RDX: variants seen among roughly 807,000 people sequenced by gnomAD.
RDX encodes the protein radixin.
RDX carries 32 observed loss-of-function variants against 83.7 expected under a neutral mutation model. The ratio of observed to expected loss-of-function variants is 0.38; its 90% CI spans 0.29 to 0.51. RDX has a LOEUF of 0.51. Among genes scored for constraint, RDX ranks in the 20% least tolerant of loss-of-function variants. RDX has a pLI of 0.87. For missense variants in RDX, 600 were observed against 689.9 expected (o/e 0.87, Z 1.46); for synonymous variants, 229 against 222.7 (o/e 1.03, Z -0.25).
rs1261382733 is a variant in RDX, at chr11:110,231,655, C to T, written c.*214G>A. The T allele has an allele frequency of 3.4e-6, 2 of 591,762 alleles. No homozygotes were observed. The highest frequency in any genetic ancestry group is 1.9e-5 in the African/African-American group (1 of 53,748). The allele number at this position is 591,762 out of a possible 1,614,324, so 36.7% of individuals were successfully genotyped here. ...AAAAGAGGCAATGGAACACCATTCT[C>T]CATTCCCTGGACCAAAAGAAAAAAG... is the stretch of plus-strand genomic sequence containing the variant. On this transcript the variant is annotated 3_prime_UTR_variant, in exon 14 of 14. Transcript: ENST00000645495.
chr11:110,254,211 AT>A, intron 8 of RDX, 102 bp from the exon 9 acceptor site: 1 of 911,646 alleles, frequency 1.1e-6, no homozygotes, highest in Non-Finnish European at 1.7e-6. Context: ...TTAATGTCAT[AT>A]TACATATAGT....
intron 14 of RDX, among the ~76,000 whole-genome samples, chr11:110,214,259 A>G (rs1328254199): frequency 3.1e-4 from 44 of 144,080 alleles, no homozygotes; most frequent in African/African-American, 1.1e-3. Context: ...ATCACTGGCC[A>G]TCAGAGAAAT....
intron 6 of RDX, 81 bp from the exon 7 acceptor site, chr11:110,257,994 T>C (rs1359040680): frequency 2.0e-6 from 3 of 1,482,098 alleles, no homozygotes; most frequent in Admixed American, 3.4e-5. Flanking sequence ...AATTAAAAAT[T>C]AGTACTTTAC....
rs377756826 is a variant in RDX at position 110,175,726 on chromosome 11, C to A, written c.*32-492G>T. Among the ~76,000 whole-genome samples, 20 of 152,314 alleles carry A rather than the reference C, an allele frequency of 1.3e-4. No homozygotes were observed. The East Asian group carries it at 1.9e-3, about 15-fold the overall frequency. ...GTAATTATCATTCATTTGAATAATT[C>A]TTTCAAATATGCATGTGAAAAGATT... On this transcript the variant is annotated intron_variant, in intron 15 of 15. Transcript: ENST00000528498.
At chr11:110,234,719 G>A (rs188922364) in intron 12 of RDX, among the ~76,000 whole-genome samples, 62 of 152,030 alleles carry the variant, frequency 4.1e-4, no homozygotes, top group Middle Eastern at 3.4e-3. Flanking sequence ...AGAGTAACTG[G>A]GAAATTAACA....
At chr11:110,188,335 T>TAACAACAAC (rs1218946518) in intron 15 of RDX, among the ~76,000 whole-genome samples, 31 of 149,044 alleles carry the variant, frequency 2.1e-4, no homozygotes, top group African/African-American at 7.4e-4. Flanking sequence ...ATAATAATAA[T>TAACAACAAC]AACAATAATA....
rs543156315 is a variant in RDX at position 110,219,775 on chromosome 11, G to T, written c.1748+12098C>A. The stretch of plus-strand genomic sequence containing the variant: ...AAGATCTTGAGTTTAACATAAGTTT[G>T]AGATGCTTATTAGATATCAAACTGG... On this transcript the variant is annotated intron_variant, in intron 14 of 15. Transcript: ENST00000528498. Among the ~76,000 whole-genome samples, 31 of 152,326 alleles carry T rather than the reference G, an allele frequency of 2.0e-4. 1 individual carries two copies. The South Asian group carries it at 5.0e-3, about 24-fold the overall frequency.
At chr11:110,257,736 G>A (rs561697557) in intron 7 of RDX, 31 bp downstream of exon 7, 22 of 1,604,372 alleles carry the variant, frequency 1.4e-5, no homozygotes, top group East Asian at 8.9e-5. Context: ...ACTGAACAAT[G>A]ACTAGTTCAC....
At chr11:110,260,229 G>A (rs916710792) in intron 5 of RDX, among the ~76,000 whole-genome samples, 4 of 151,868 alleles carry the variant, frequency 2.6e-5, no homozygotes, top group South Asian at 2.1e-4. Context: ...CAGGTGATCC[G>A]CCCACCTCGG....
intron 14 of RDX, among the ~76,000 whole-genome samples, chr11:110,209,801 C>CA (rs1863763704): frequency 6.9e-6 from 1 of 145,956 alleles, no homozygotes. Flanking sequence ...GGAAAACTAA[C>CA]AAACAGAAAG....
At chr11:110,215,526 A>G (rs989611831) in intron 14 of RDX, among the ~76,000 whole-genome samples, 3 of 152,114 alleles carry the variant, frequency 2.0e-5, no homozygotes, top group Admixed American at 1.3e-4. Flanking sequence ...GACAGACTAG[A>G]GTTACAAGCC....
chr11:110,242,866 T>C (rs1226568600), intron 10 of RDX, among the ~76,000 whole-genome samples: 1 of 138,000 alleles, frequency 7.2e-6, no homozygotes, highest in Non-Finnish European at 1.6e-5. Flanking sequence ...AATCCAATGC[T>C]TTTTTTTTTT....
chr11:110,257,944 T>G, intron 6 of RDX, 31 bp from the exon 7 acceptor site: 1 of 1,601,370 alleles, frequency 6.2e-7, no homozygotes, highest in Non-Finnish European at 8.6e-7. Context: ...GTAATATATT[T>G]AAGTAGGAGC....
chr11:110,217,229 T>A (rs1864087101), intron 14 of RDX, among the ~76,000 whole-genome samples: 1 of 152,196 alleles, frequency 6.6e-6, no homozygotes, highest in South Asian at 2.1e-4. Context: ...ATTTCATAGT[T>A]GTAAGTGGAT....
At chr11:110,240,746 A>G (rs1365555933) in intron 10 of RDX, among the ~76,000 whole-genome samples, 5 of 91,946 alleles carry the variant, frequency 5.4e-5, no homozygotes, top group Non-Finnish European at 1.1e-4. Context: ...CTCCGTCTCA[A>G]AAAAAAAAAA....
At chr11:110,184,643 C>A (rs1862950878) in intron 15 of RDX, among the ~76,000 whole-genome samples, 1 of 152,168 alleles carries the variant, frequency 6.6e-6, no homozygotes, top group South Asian at 2.1e-4. Flanking sequence ...ACTGGAACAG[C>A]CACACTGTGC....
At chr11:110,201,291 G>C (rs900316660) in intron 14 of RDX, among the ~76,000 whole-genome samples, 2 of 151,710 alleles carry the variant, frequency 1.3e-5, no homozygotes, top group East Asian at 3.9e-4. Context: ...TATTTATGTA[G>C]ATTTAGACTC....
intron 11 of RDX, among the ~76,000 whole-genome samples, chr11:110,237,123 A>G (rs1174646302): frequency 1.4e-5 from 2 of 145,256 alleles, no homozygotes; most frequent in Non-Finnish European, 3.0e-5. Context: ...TATCTATAAT[A>G]TATTATATAA....
intron 10 of RDX, among the ~76,000 whole-genome samples, chr11:110,245,610 C>A (rs1020826182): frequency 6.6e-5 from 10 of 152,072 alleles, no homozygotes; most frequent in Non-Finnish European, 1.2e-4. Flanking sequence ...CAATATATAT[C>A]TAAATTAGAC....
Sources: gnomAD v4.1 joint callset for allele counts (sites outside exome capture counted in the v4.1 genomes callset) on GRCh38, gnomAD v4.1.1 for gene constraint, MANE v1.5 for transcripts, NCBI Gene and HGNC (gene_info 2026-07-23, HGNC 2026-07-21) for gene names.